Variants in DAB1 observed in about 807,000 individuals in gnomAD.
DAB1 encodes disabled homolog 1.
A neutral mutation model predicts 64.6 loss-of-function variants in DAB1; 15 were observed. The observed-to-expected ratio is 0.23, with a 90% CI of 0.16 to 0.36. The LOEUF (loss-of-function observed/expected upper bound fraction) is 0.36, where lower values mean the gene tolerates loss of function less well. Ranked by LOEUF, DAB1 falls within the 10% of genes least tolerant of loss-of-function variation. DAB1 has a pLI of 1.00. For missense variants in DAB1, 596 were observed against 706.7 expected, an observed-to-expected ratio of 0.84 and a Z score of 1.78; for synonymous variants, 235 against 251.9, an observed-to-expected ratio of 0.93 and a Z score of 0.64.
chr1:57,336,811 T>C (rs1465642370), intron 1 of DAB1, among the ~76,000 whole-genome samples: 1 of 152,190 alleles, frequency 6.6e-6, no homozygotes, highest in Non-Finnish European at 1.5e-5. Flanking sequence ...GTGTTGTAAG[T>C]ATCCAAATAG....
At chr1:57,829,658 G>A (rs1652501185) in intron 1 of DAB1, among the ~76,000 whole-genome samples, 1 of 152,140 alleles carries the variant, frequency 6.6e-6, no homozygotes, top group Non-Finnish European at 1.5e-5. Flanking sequence ...GACAGTCTCT[G>A]GGTCTGGGTA....
rs192765891 is a variant in DAB1, at chr1:58,046,942, C to G, written n.387+103569G>C. The stretch of plus-strand genomic sequence containing the variant: ...AACTGAAGTTCAAAGCCCAGCCGTG[C>G]CACTTACTGGTTGTGTGACCTTGGG... On this transcript the variant is annotated intron_variant and non_coding_transcript_variant, in intron 5 of 20. Coordinates refer to the DAB1 transcript ENST00000485760. 3.9e-5 allele frequency among the ~76,000 whole-genome samples: 6 copies of G among 152,298 alleles called. No individual in the cohort carries two copies. The East Asian group carries it at 9.6e-4, about 24-fold the overall frequency.
intron 1 of DAB1, among the ~76,000 whole-genome samples, chr1:57,831,196 A>G (rs908164221): frequency 2.0e-5 from 3 of 152,148 alleles, no homozygotes; most frequent in Non-Finnish European, 4.4e-5. Flanking sequence ...TACAGGTGTG[A>G]GCCACCGCGC....
chr1:58,484,081 C>A (rs569673091), intron 3 of DAB1, among the ~76,000 whole-genome samples: 1 of 152,152 alleles, frequency 6.6e-6, no homozygotes, highest in Non-Finnish European at 1.5e-5. Flanking sequence ...TCCTTAAATT[C>A]GCTTATTCAG....
At chr1:57,423,616 G>A (rs1297187781) in intron 1 of DAB1, among the ~76,000 whole-genome samples, 1 of 152,090 alleles carries the variant, frequency 6.6e-6, no homozygotes, top group Admixed American at 6.5e-5. Flanking sequence ...AGAGACGCGT[G>A]TCAGGGGTGG....
chr1:57,231,195 C>T (rs1667649928), intron 2 of DAB1, among the ~76,000 whole-genome samples: 1 of 152,102 alleles, frequency 6.6e-6, no homozygotes, highest in Admixed American at 6.5e-5. Context: ...TATTAGAGAA[C>T]ATTCTTTCCC....
chr1:58,357,262 T>A (rs564519591), intron 3 of DAB1, among the ~76,000 whole-genome samples: 1 of 151,656 alleles, frequency 6.6e-6, no homozygotes, highest in African/African-American at 2.4e-5. Flanking sequence ...CAGAGGGAAA[T>A]GGGAAAACTG....
intron 1 of DAB1, among the ~76,000 whole-genome samples, chr1:57,839,310 C>G (rs1652949751): frequency 6.6e-6 from 1 of 152,206 alleles, no homozygotes; most frequent in South Asian, 2.1e-4. Flanking sequence ...GTGACTTTGA[C>G]AGTTCTCAGC....
At chr1:57,395,453 C>T (rs574843536) in intron 1 of DAB1, among the ~76,000 whole-genome samples, 2 of 152,252 alleles carry the variant, frequency 1.3e-5, no homozygotes, top group South Asian at 2.1e-4. Context: ...TCACATATCA[C>T]GGGAAACGTA....
Position 57,290,880 on chromosome 1 carries a change from A to G in DAB1, c.67+84T>C, listed in dbSNP as rs1672725447. 1.0e-5 allele frequency: 8 copies of G among 763,508 alleles called. No individual in the cohort carries two copies. The South Asian group carries it at 1.5e-4, about 15-fold the overall frequency. 47.3% of individuals were successfully genotyped at this position (763,508 alleles called of 1,614,324 possible). On this transcript the variant is annotated intron_variant, in intron 2 of 14. Transcript: ENST00000371236. ...TAAAAATATATGCAATCATAAAGAT[A>G]TTTCTTTATATCATTCCAGAGATCT...
chr1:57,593,537 T>C (rs114524611), intron 7 of DAB1, among the ~76,000 whole-genome samples: 2,957 of 152,314 alleles, frequency 0.019, 103 homozygotes, highest in African/African-American at 0.067. Context: ...CAATGGCTTC[T>C]TGATAAGTGT....
intron 6 of DAB1, among the ~76,000 whole-genome samples, chr1:57,696,236 A>G (rs1347584729): frequency 1.3e-5 from 2 of 152,064 alleles, no homozygotes; most frequent in South Asian, 2.1e-4. Context: ...CCCATAATGA[A>G]TGCTTGTTTT....
intron 2 of DAB1, among the ~76,000 whole-genome samples, chr1:57,146,273 A>G (rs1401701887): frequency 1.3e-5 from 2 of 152,206 alleles, no homozygotes; most frequent in Non-Finnish European, 2.9e-5. Flanking sequence ...GCCCAAGTAA[A>G]CATAGTCTGA....
chr1:57,015,384 G>T lies in DAB1; in HGVS notation c.943C>A (p.Pro315Thr). 1 of 1,613,916 alleles carries T rather than the reference G, an allele frequency of 6.2e-7. No homozygotes were observed. Among genetic ancestry groups the T allele is most frequent in the East Asian group, 2.2e-5 (1 of 44,854 alleles). Reference sequence around the variant, plus strand: ...ATGACCATCTGCTGTTGGACGAGGGGCTGCTGACCCCAGAAGGACGGGAGG... The same window carrying T: ...ATGACCATCTGCTGTTGGACGAGGGTCTGCTGACCCCAGAAGGACGGGAGG... Reference protein sequence around the residue: ...AVLPSFWGQQPLVQQQMVMGA... With the variant: ...AVLPSFWGQQTLVQQQMVMGA... Residue 315 changes from proline to threonine, a missense_variant, in exon 12 of 15, where the codon CCC (proline) becomes ACC (threonine). Pro to Thr is a conservative substitution (Grantham distance 38). Around this residue, in one of 3 missense-constraint regions of DAB1, gnomAD observed 377 missense variants for 400.4 expected, o/e 0.94. Transcript: ENST00000371236.
intron 3 of DAB1, among the ~76,000 whole-genome samples, chr1:58,492,415 C>A (rs530212149): frequency 1.5e-4 from 22 of 151,296 alleles, no homozygotes; most frequent in Admixed American, 7.2e-4. Flanking sequence ...TAACTAAGAT[C>A]AGAGCAGAAC....
intron 2 of DAB1, among the ~76,000 whole-genome samples, chr1:57,239,906 C>T (rs959293474): frequency 3.9e-5 from 6 of 152,200 alleles, no homozygotes; most frequent in Non-Finnish European, 8.8e-5. Flanking sequence ...CTGATGCGAA[C>T]CAGTCCCTTC....
intron 2 of DAB1, among the ~76,000 whole-genome samples, chr1:58,506,889 TA>T (rs1289407102): frequency 2.6e-5 from 4 of 152,076 alleles, no homozygotes; most frequent in African/African-American, 9.7e-5. Context: ...AAGTACAATA[TA>T]AAAGTACATT....
chr1:58,400,086 T>C (rs766328012), intron 3 of DAB1, among the ~76,000 whole-genome samples: 1 of 151,912 alleles, frequency 6.6e-6, no homozygotes, highest in Non-Finnish European at 1.5e-5. Flanking sequence ...AGCCAGCCCT[T>C]TAAAAGGCTA....
At chr1:58,231,956 A>T (rs1206237890) in intron 4 of DAB1, among the ~76,000 whole-genome samples, 3 of 152,232 alleles carry the variant, frequency 2.0e-5, no homozygotes, top group Non-Finnish European at 4.4e-5. Flanking sequence ...GGTAAAAATA[A>T]TAGCAAGAGG....
Sources: gnomAD v4.1 joint callset for allele counts (sites outside exome capture counted in the v4.1 genomes callset) on GRCh38, gnomAD v4.1.1 for gene constraint, gnomAD v4.1.1 regional missense constraint, MANE v1.5 for transcripts, NCBI Gene and HGNC (gene_info 2026-07-23, HGNC 2026-07-21) for gene names.